The following MYO5A variants were observed in gnomAD, a reference collection of about 807,000 sequenced individuals.
The protein encoded by MYO5A is myosin VA.
MYO5A carries 98 observed loss-of-function variants against 249.7 expected under a neutral mutation model. That is an observed-to-expected ratio of 0.39 (90% CI 0.33 to 0.46). MYO5A has a LOEUF of 0.46. Among genes scored for constraint, MYO5A ranks in the 20% least tolerant of loss-of-function variants. The pLI is 0.98. For synonymous variants in MYO5A, 778 were observed against 810.6 expected, an observed-to-expected ratio of 0.96 and a Z score of 0.68; for missense variants, 1,696 against 2,308.8, an observed-to-expected ratio of 0.73 and a Z score of 5.44.
intron 1 of MYO5A, among the ~76,000 whole-genome samples, chr15:52,483,399 G>A (rs938394201): frequency 3.9e-5 from 6 of 152,124 alleles, no homozygotes; most frequent in Non-Finnish European, 7.4e-5. Flanking sequence ...TGAAGGGACC[G>A]TGAGTATGGC....
chr15:52,400,929 CCA>C (rs1041507219), intron 9 of MYO5A, among the ~76,000 whole-genome samples: 9 of 152,048 alleles, frequency 5.9e-5, no homozygotes, highest in African/African-American at 1.7e-4. Flanking sequence ...CTACATTTGC[CCA>C]CATTTTGCTA....
chr15:52,416,440 T>C, intron 4 of MYO5A, 139 bp from the exon 5 acceptor site: 1 of 818,400 alleles, frequency 1.2e-6, no homozygotes, highest in Non-Finnish European at 2.0e-6. Context: ...AACACCAAGG[T>C]CTCAGGTTCA....
At position 52,395,736 on chromosome 15, in the gene MYO5A, G is replaced by C. The variant is rs2042459756; in HGVS notation, c.1401+580C>G. Among the ~76,000 whole-genome samples the C allele has an allele frequency of 2.0e-5, 3 of 152,176 alleles. 1 individual carries two copies. The South Asian group carries it at 6.2e-4, about 32-fold the overall frequency. The stretch of plus-strand genomic sequence containing the variant: ...ATTCCAACTCACACAGTTCACCTCT[G>C]GGCTCTGTGTCCTTCACTATTACAA... On this transcript the variant is annotated intron_variant, in intron 11 of 41. Transcript: ENST00000399233.
chr15:52,442,781 A>G (rs1174551615), intron 1 of MYO5A, among the ~76,000 whole-genome samples: 2 of 143,990 alleles, frequency 1.4e-5, no homozygotes, highest in Non-Finnish European at 3.0e-5. Context: ...TTTGAGATAG[A>G]GTCTTGCTCT....
At chr15:52,483,755 TCTTCCTTAG>T (rs2076762731) in intron 1 of MYO5A, among the ~76,000 whole-genome samples, 1 of 152,332 alleles carries the variant, frequency 6.6e-6, no homozygotes, top group African/African-American at 2.4e-5. Flanking sequence ...TAGATGAACT[TCTTCCTTAG>T]CTTATGGCTA....
chr15:52,396,823 A>C (rs113432029), intron 10 of MYO5A, among the ~76,000 whole-genome samples: 1 of 152,242 alleles, frequency 6.6e-6, no homozygotes, highest in African/African-American at 2.4e-5. Flanking sequence ...AGAATGAAAA[A>C]TTAAGTATGA....
At chr15:52,497,912 A>C (rs1342403519) in intron 1 of MYO5A, among the ~76,000 whole-genome samples, 2 of 152,086 alleles carry the variant, frequency 1.3e-5, no homozygotes, top group Non-Finnish European at 2.9e-5. Context: ...AAAATAATAA[A>C]AATTCAACAT....
chr15:52,463,846 A>G (rs1171394038), intron 1 of MYO5A, among the ~76,000 whole-genome samples: 2 of 152,228 alleles, frequency 1.3e-5, no homozygotes, highest in African/African-American at 2.4e-5. Context: ...TCCAGATGGA[A>G]GAAGAGCATA....
chr15:52,347,191 A>C (rs2039680290), intron 29 of MYO5A, among the ~76,000 whole-genome samples: 1 of 152,182 alleles, frequency 6.6e-6, no homozygotes, highest in African/African-American at 2.4e-5. Flanking sequence ...ATGTAATTTC[A>C]AAATCTTCTC....
intron 1 of MYO5A, among the ~76,000 whole-genome samples, chr15:52,520,986 T>C (rs562349992): frequency 1.3e-5 from 2 of 152,102 alleles, no homozygotes; most frequent in South Asian, 4.1e-4. Flanking sequence ...TCTCAGCACT[T>C]TGGGAGGCCG....
chr15:52,389,724 A>T (rs2141157866), intron 12 of MYO5A, among the ~76,000 whole-genome samples: 1 of 152,270 alleles, frequency 6.6e-6, no homozygotes, highest in East Asian at 1.9e-4. Flanking sequence ...AAGCCAAGGC[A>T]GGTGGATCAC....
At chr15:52,320,019 G>A in intron 38 of MYO5A, among the ~76,000 whole-genome samples, 1 of 152,156 alleles carries the variant, frequency 6.6e-6, no homozygotes, top group East Asian at 1.9e-4. Flanking sequence ...GGCAAAAACA[G>A]TAAGAAAAGC....
At position 52,396,701 on chromosome 15, in the gene MYO5A, G is replaced by C. The variant is rs191433091; in HGVS notation, c.1320-304C>G. On this transcript the variant is annotated intron_variant, in intron 10 of 41. Transcript: ENST00000399233. The stretch of plus-strand genomic sequence containing the variant: ...ATTCACCCCCAAGTGGGGAACATCA[G>C]AATTATAATAAAGCCATTGCTCTTG... 6.9e-3 allele frequency among the ~76,000 whole-genome samples: 1,051 copies of C among 152,130 alleles called. 7 individuals carry two copies. The highest frequency in any genetic ancestry group is 0.01 in the Middle Eastern group (3 of 294).
rs1203408742 is a variant in MYO5A, at chr15:52,450,409, G to A, written c.28-17124C>T. ...GGGCTGGGAGCAGTGGATCACGCCT[G>A]TAATCCCAGCACTTTAGGAGGCTGA... On this transcript the variant is annotated intron_variant, in intron 1 of 41. Transcript: ENST00000399233. 2.0e-5 allele frequency among the ~76,000 whole-genome samples: 3 copies of A among 151,978 alleles called. No homozygotes were observed. In the East Asian group the frequency reaches 5.8e-4, roughly 29 times the overall value.
In MYO5A at chr15:52,417,267, T is replaced by TA. The variant is rs542654319; in HGVS notation, c.456-967dup. On this transcript the variant is annotated intron_variant, in intron 4 of 41. Transcript: ENST00000399233. ...TTCCTAAAGAATTACTTCAATATCT[T>TA]ACAGTACTGTTGTCAACCACTTCAG... Among the ~76,000 whole-genome samples the TA allele has an allele frequency of 9.1e-4, 139 of 152,336 alleles. 1 individual carries two copies. The highest frequency in any genetic ancestry group is 3.2e-3 in the African/African-American group (134 of 41,566).
At chr15:52,469,269 C>T (rs981562503) in intron 1 of MYO5A, among the ~76,000 whole-genome samples, 2 of 152,072 alleles carry the variant, frequency 1.3e-5, no homozygotes, top group Admixed American at 6.6e-5. Flanking sequence ...CTAATAGCCT[C>T]CTATTGACCA....
At chr15:52,500,693 G>A (rs1252149792) in intron 1 of MYO5A, among the ~76,000 whole-genome samples, 1 of 152,052 alleles carries the variant, frequency 6.6e-6, no homozygotes, top group Non-Finnish European at 1.5e-5. Flanking sequence ...TTCTTTGGTT[G>A]TTTGTCGTTG....
chr15:52,345,954 ACTT>A (rs1470317532), intron 30 of MYO5A, among the ~76,000 whole-genome samples: 1 of 152,108 alleles, frequency 6.6e-6, no homozygotes, highest in Non-Finnish European at 1.5e-5. Context: ...ATACCTCATC[ACTT>A]CTTTTCACTC....
intron 4 of MYO5A, among the ~76,000 whole-genome samples, chr15:52,421,070 T>C (rs142844230): frequency 4.8e-4 from 73 of 152,328 alleles, no homozygotes; most frequent in African/African-American, 1.6e-3. Context: ...TTAATTTAAG[T>C]TAACCCACCT....
Sources: gnomAD v4.1 joint callset for allele counts (sites outside exome capture counted in the v4.1 genomes callset) on GRCh38, gnomAD v4.1.1 for gene constraint, MANE v1.5 for transcripts, NCBI Gene and HGNC (gene_info 2026-07-23, HGNC 2026-07-21) for gene names.